Variants in TBL1X observed in about 807,000 individuals in gnomAD.
The protein encoded by TBL1X is transducin beta like 1 X-linked, also known as F-box-like/WD repeat-containing protein TBL1X.
TBL1X carries 10 observed loss-of-function variants against 50.7 expected under a neutral mutation model. The observed-to-expected ratio is 0.20, with a 90% CI of 0.12 to 0.33. TBL1X has a LOEUF of 0.33. Ranked by LOEUF, TBL1X falls within the 10% of genes least tolerant of loss-of-function variation. The pLI, the probability that TBL1X is intolerant of heterozygous loss-of-function variation, is 1.00. For missense variants in TBL1X, 340 were observed against 504.4 expected, an observed-to-expected ratio of 0.67 and a Z score of 3.12; for synonymous variants, 190 against 214.7, an observed-to-expected ratio of 0.88 and a Z score of 1.01.
At chrX:9,568,618 T>C (rs1601763682) in intron 2 of TBL1X, among the ~76,000 whole-genome samples, 1 of 107,196 alleles carries the variant, frequency 9.3e-6, no homozygotes, top group East Asian at 3.0e-4. Context: ...GTGTGTGTGG[T>C]GTGCTGTATG....
intron 1 of TBL1X, among the ~76,000 whole-genome samples, chrX:9,491,334 A>ATT (rs1403355557): frequency 5.1e-4 from 12 of 23,385 alleles, no homozygotes; most frequent in Admixed American, 7.8e-4. Flanking sequence ...ATATATATAT[A>ATT]TATATTTTTT....
chrX:9,620,596 C>T (rs1252203348), intron 2 of TBL1X, among the ~76,000 whole-genome samples: 6 of 111,849 alleles, frequency 5.4e-5, no homozygotes, highest in East Asian at 2.8e-4. Context: ...AAGATGCAGC[C>T]GGAAGAGCCA....
At chrX:9,604,941 C>T (rs968600562) in intron 2 of TBL1X, among the ~76,000 whole-genome samples, 2 of 110,758 alleles carry the variant, frequency 1.8e-5, no homozygotes, top group East Asian at 2.8e-4. Context: ...GAGGCTTGGG[C>T]GCGAACTGAA....
At chrX:9,669,110 C>T (rs1373936955) in intron 5 of TBL1X, among the ~76,000 whole-genome samples, 1 of 111,764 alleles carries the variant, frequency 8.9e-6, no homozygotes, top group Non-Finnish European at 1.9e-5. Flanking sequence ...ACACTGAATT[C>T]TTTGTGGGCT....
intron 2 of TBL1X, among the ~76,000 whole-genome samples, chrX:9,591,751 A>C (rs1467521976): frequency 8.9e-5 from 10 of 111,733 alleles, no homozygotes; most frequent in Non-Finnish European, 1.7e-4. Flanking sequence ...CATGATAAAG[A>C]GGAGGTTTCT....
chrX:9,512,904 A>G (rs189048259), intron 2 of TBL1X, among the ~76,000 whole-genome samples: 4 of 111,687 alleles, frequency 3.6e-5, no homozygotes, highest in East Asian at 2.8e-4. Flanking sequence ...GCGACTGACT[A>G]TACGGCTTCC....
chrX:9,626,011 C>G (rs2082690982), intron 2 of TBL1X, among the ~76,000 whole-genome samples: 1 of 111,759 alleles, frequency 8.9e-6, no homozygotes, highest in African/African-American at 3.3e-5. Flanking sequence ...GTCAGACGAC[C>G]TGGGATCATT....
chrX:9,539,845 T>C (rs1302472697), intron 2 of TBL1X, among the ~76,000 whole-genome samples: 1 of 112,152 alleles, frequency 8.9e-6, no homozygotes, highest in East Asian at 2.8e-4. Flanking sequence ...GGTCAGGGCA[T>C]GCCCCACCAA....
chrX:9,503,163 A>G (rs2082009535), intron 2 of TBL1X, among the ~76,000 whole-genome samples: 2 of 112,042 alleles, frequency 1.8e-5, no homozygotes, highest in African/African-American at 6.5e-5. Context: ...ACCCACAGAG[A>G]GAAGGAAGAA....
intron 3 of TBL1X, among the ~76,000 whole-genome samples, chrX:9,646,706 A>G (rs1279252363): frequency 8.9e-6 from 1 of 112,274 alleles, no homozygotes; most frequent in Non-Finnish European, 1.9e-5. Context: ...CCTGACTAAT[A>G]GCAGCCTAAC....
rs936200420 is a variant in TBL1X at position 9,675,840 on chromosome X, G to A, written c.212-8203G>A. On this transcript the variant is annotated intron_variant, in intron 5 of 17. Coordinates refer to ENST00000645353, the MANE Select transcript of TBL1X (RefSeq NM_005647.4). Reference sequence around the variant, plus strand: ...TGCGAGGCGGAGGTTGCAGTGAGCCGAGATCATGCCATTGCACTCCAGCCT... The same window carrying A: ...TGCGAGGCGGAGGTTGCAGTGAGCCAAGATCATGCCATTGCACTCCAGCCT... 3.8e-5 allele frequency among the ~76,000 whole-genome samples: 4 copies of A among 105,022 alleles called. No homozygotes were observed. The South Asian group carries it at 1.3e-3, about 35-fold the overall frequency. The allele number at this position is 105,022 out of a possible 115,157, so 91.2% of individuals were successfully genotyped here. A position where few individuals can be genotyped will look rare whatever the true frequency, so the allele number is the denominator to read the frequency against.
intron 2 of TBL1X, among the ~76,000 whole-genome samples, chrX:9,608,147 G>C (rs1261807237): frequency 1.8e-5 from 2 of 110,351 alleles, no homozygotes; most frequent in Non-Finnish European, 1.9e-5. Flanking sequence ...TCACATGATT[G>C]GACTGGGGTG....
At chrX:9,707,281 G>A (rs1435481974) in intron 13 of TBL1X, among the ~76,000 whole-genome samples, 4 of 111,611 alleles carry the variant, frequency 3.6e-5, no homozygotes, top group Non-Finnish European at 7.5e-5. Context: ...CGCTTTTAGA[G>A]CACAGGCACC....
chrX:9,496,493 T>C (rs2081971814), intron 1 of TBL1X, among the ~76,000 whole-genome samples: 1 of 112,985 alleles, frequency 8.9e-6, no homozygotes, highest in Non-Finnish European at 1.9e-5. Context: ...CAGTTGTACA[T>C]ATCAATTATT....
rs774980072 is a variant in TBL1X at position 9,566,055 on chromosome X, G to C, written c.-131+64206G>C. On this transcript the variant is annotated intron_variant, in intron 2 of 17. Coordinates refer to ENST00000645353, the MANE Select transcript of TBL1X (RefSeq NM_005647.4). ...ACTTTGTAAAGACTAAAAGTGGTTT[G>C]GAAAGTGAAAGTATAGGATATACTA... Among the ~76,000 whole-genome samples, 9 of 112,281 alleles carry C rather than the reference G, an allele frequency of 8.0e-5. No homozygotes were observed. In the East Asian group the frequency reaches 2.0e-3, roughly 24 times the overall value.
rs749439164 is a variant in TBL1X at position 9,543,077 on chromosome X, G to C, written c.-131+41228G>C. Among the ~76,000 whole-genome samples, 4 of 112,448 alleles carry C rather than the reference G, an allele frequency of 3.6e-5. No homozygotes were observed. The South Asian group carries it at 1.5e-3, about 41-fold the overall frequency. On this transcript the variant is annotated intron_variant, in intron 2 of 17. Coordinates refer to ENST00000645353, the MANE Select transcript of TBL1X (RefSeq NM_005647.4). ...CAGGGTGGGCGTTACCATCCCTCTG[G>C]ACCAACAAGGACAGAACAGCTTGAG...
chrX:9,582,349 T>C, intron 2 of TBL1X, among the ~76,000 whole-genome samples: 1 of 112,498 alleles, frequency 8.9e-6, no homozygotes. Context: ...CCTTTGGGAA[T>C]CTGATTCCAT....
At chrX:9,690,276 G>A (rs894344241) in intron 7 of TBL1X, among the ~76,000 whole-genome samples, 2 of 112,211 alleles carry the variant, frequency 1.8e-5, no homozygotes, top group Non-Finnish European at 3.8e-5. Context: ...TCAGGCTGCC[G>A]TAACAAAAGG....
upstream of TBL1X, among the ~76,000 whole-genome samples, chrX:9,463,835 A>T (rs2081751423): frequency 8.9e-6 from 1 of 112,358 alleles, no homozygotes; most frequent in Admixed American, 9.4e-5. Context: ...TGGAGGTTGC[A>T]ATGAGCCGAC....
Sources: gnomAD v4.1 joint callset for allele counts (sites outside exome capture counted in the v4.1 genomes callset) on GRCh38, gnomAD v4.1.1 for gene constraint, MANE v1.5 for transcripts, NCBI Gene and HGNC (gene_info 2026-07-23, HGNC 2026-07-21) for gene names.